LAMC1: variants seen among roughly 807,000 people sequenced by gnomAD.
LAMC1 encodes the protein laminin subunit gamma 1, also known as laminin subunit gamma-1.
Under a neutral mutation model 173.6 loss-of-function variants are expected in LAMC1, and 38 were observed. That is an observed-to-expected ratio of 0.22 (90% CI 0.17 to 0.29). The LOEUF (loss-of-function observed/expected upper bound fraction) is 0.29, where lower values mean the gene tolerates loss of function less well. LAMC1 is among the 10% of genes least tolerant of loss of function. The pLI is 1.00. For synonymous variants in LAMC1, 746 were observed against 749.1 expected, an observed-to-expected ratio of 1.00 and a Z score of 0.07; for missense variants, 1,824 against 2,051.8, an observed-to-expected ratio of 0.89 and a Z score of 2.14.
At position 183,144,294 on chromosome 1, in the gene LAMC1, GT is replaced by G. The variant is rs1657197924; in HGVS notation, c.*1508del. On this transcript the variant is annotated 3_prime_UTR_variant, in exon 28 of 28. Coordinates refer to ENST00000258341, the MANE Select transcript of LAMC1 (RefSeq NM_002293.4). ...TTCAAATTTATATTTTTGTGTGAATGTTTTGTGTTTTGTTTATCATGATTAT... is the reference window on the plus strand; with the variant it reads ...TTCAAATTTATATTTTTGTGTGAATGTTTGTGTTTTGTTTATCATGATTAT... The G allele has an allele frequency of 6.6e-6, 1 of 152,600 alleles. No homozygotes were observed. Among genetic ancestry groups the G allele is most frequent in the Non-Finnish European group, 1.5e-5 (1 of 68,036 alleles). The allele number at this position is 152,600 out of a possible 1,614,324, so 9.5% of individuals were successfully genotyped here.
chr1:183,100,534 T>C (rs1032385403), intron 1 of LAMC1, among the ~76,000 whole-genome samples: 3 of 152,224 alleles, frequency 2.0e-5, no homozygotes, highest in Non-Finnish European at 4.4e-5. Context: ...CCATTTCATG[T>C]GCCTGGATGA....
At chr1:183,081,517 C>A (rs978539028) in intron 1 of LAMC1, among the ~76,000 whole-genome samples, 6 of 151,442 alleles carry the variant, frequency 4.0e-5, no homozygotes, top group African/African-American at 1.5e-4. Flanking sequence ...CACTACACTC[C>A]AGCCTGGGCA....
rs147401305 is a variant in LAMC1 at position 183,121,905 on chromosome 1, G to A, written c.2173G>A (p.Ala725Thr). Residue 725 changes from alanine (A) to threonine (T), a missense_variant, in exon 12 of 28, where the codon GCC becomes ACC. Ala to Thr is a moderately conservative substitution (Grantham distance 58). Transcript: ENST00000258341. The part of the protein sequence containing the change: ...LGPYSPCVLC[A>T]CNGHSETCDP... ...ACCATACAGTCCATGTGTGCTTTGC[G>A]CCTGCAATGGACACAGCGAGACCTG... 1,475 of 1,614,174 alleles carry A rather than the reference G, an allele frequency of 9.1e-4. 2 individuals are homozygous for A. The highest frequency in any genetic ancestry group is 1.1e-3 in the Non-Finnish European group (1,282 of 1,180,028).
intron 24 of LAMC1, 44 bp downstream of exon 24, chr1:183,135,200 G>A (rs1029657257): frequency 8.4e-7 from 1 of 1,183,608 alleles, no homozygotes; most frequent in East Asian, 2.5e-5. Flanking sequence ...TCCGCCACTA[G>A]AGTGATTTTT....
At chr1:183,097,323 T>C (rs549098560) in intron 1 of LAMC1, among the ~76,000 whole-genome samples, 42 of 152,342 alleles carry the variant, frequency 2.8e-4, no homozygotes, top group South Asian at 1.2e-3. Context: ...TAAAATCAAG[T>C]CTGGCTTCAA....
At chr1:183,138,217 G>A in intron 26 of LAMC1, 1 of 975,624 alleles carries the variant, frequency 1.0e-6, no homozygotes, top group African/African-American at 1.8e-5. Context: ...CAAGTTTCTT[G>A]TATATAAGAA....
chr1:183,096,110 C>G (rs1655686322), intron 1 of LAMC1, among the ~76,000 whole-genome samples: 1 of 152,138 alleles, frequency 6.6e-6, no homozygotes, highest in South Asian at 2.1e-4. Context: ...AAGCAGAAAG[C>G]TTTTATTTTT....
chr1:183,084,747 TACG>T (rs896616797), intron 1 of LAMC1, among the ~76,000 whole-genome samples: 1 of 152,258 alleles, frequency 6.6e-6, no homozygotes, highest in African/African-American at 2.4e-5. Context: ...GTGGTTTCCT[TACG>T]ACGCATCCTT....
At chr1:183,097,805 A>C (rs1221129202) in intron 1 of LAMC1, among the ~76,000 whole-genome samples, 1 of 152,162 alleles carries the variant, frequency 6.6e-6, no homozygotes, top group African/African-American at 2.4e-5. Flanking sequence ...GTATTGGTTA[A>C]TTTTGTGTGC....
At chr1:183,110,398 AACTT>A in intron 3 of LAMC1, 86 bp from the exon 4 acceptor site, 1 of 1,006,324 alleles carries the variant, frequency 9.9e-7, no homozygotes, top group South Asian at 1.8e-5. Flanking sequence ...TGAATGGTAA[AACTT>A]ACTTCTTTGT....
At position 183,023,631 on chromosome 1, in the gene LAMC1, C is replaced by T; in HGVS notation, c.-86C>T. The T allele has an allele frequency of 1.9e-6, 2 of 1,045,148 alleles. No individual in the cohort carries two copies. Among genetic ancestry groups the T allele is most frequent in the Non-Finnish European group, 2.4e-6 (2 of 848,268 alleles). 64.7% of individuals were successfully genotyped at this position (1,045,148 alleles called of 1,614,324 possible). ...CCCCTGGGCCCCCAGGCTCAAGCAG[C>T]GAAGCGGCCTCCGGGGGACGCCGCT... On this transcript the variant is annotated 5_prime_UTR_variant, in exon 1 of 28. Coordinates refer to ENST00000258341, the MANE Select transcript of LAMC1 (RefSeq NM_002293.4).
intron 1 of LAMC1, among the ~76,000 whole-genome samples, chr1:183,074,333 CAT>C (rs1192397408): frequency 1.3e-5 from 2 of 152,166 alleles, no homozygotes; most frequent in African/African-American, 4.8e-5. Flanking sequence ...CTAAGAGTGA[CAT>C]GTGCATGTGT....
At chr1:183,129,082 CTTTTTTTTTT>C (rs201079710) in intron 18 of LAMC1, among the ~76,000 whole-genome samples, 4 of 110,018 alleles carry the variant, frequency 3.6e-5, no homozygotes, top group Non-Finnish European at 7.1e-5. Context: ...TCTTCATAAG[CTTTTTTTTTT>C]TTTTTTTTTT....
At chr1:183,142,393 TCAA>T in intron 27 of LAMC1, 138 bp from the exon 28 acceptor site, 2 of 820,400 alleles carry the variant, frequency 2.4e-6, no homozygotes, top group Non-Finnish European at 3.8e-6. Context: ...TTGTGTGACA[TCAA>T]CAATCTGCAA....
intron 1 of LAMC1, among the ~76,000 whole-genome samples, chr1:183,087,005 T>A (rs969628315): frequency 1.3e-5 from 2 of 152,222 alleles, no homozygotes; most frequent in Non-Finnish European, 2.9e-5. Context: ...TTGTATAAAC[T>A]CTTTATTTTA....
intron 1 of LAMC1, among the ~76,000 whole-genome samples, chr1:183,065,089 T>G (rs1443559845): frequency 6.6e-6 from 1 of 152,108 alleles, no homozygotes; most frequent in African/African-American, 2.4e-5. Context: ...TGAACAGTGT[T>G]GAATGAAACA....
chr1:183,054,736 G>T (rs1179855409), intron 1 of LAMC1, among the ~76,000 whole-genome samples: 2 of 152,174 alleles, frequency 1.3e-5, no homozygotes, highest in Non-Finnish European at 2.9e-5. Context: ...CTGGCTTGGA[G>T]ACTACAAAAC....
chr1:183,024,231 C>A, intron 1 of LAMC1, 97 bp downstream of exon 1: 1 of 1,227,032 alleles, frequency 8.1e-7, no homozygotes, highest in South Asian at 1.6e-5. Context: ...GCGCAGACGG[C>A]CGCGTGTTTG....
At chr1:183,084,427 C>G (rs2102053412) in intron 1 of LAMC1, among the ~76,000 whole-genome samples, 1 of 151,346 alleles carries the variant, frequency 6.6e-6, no homozygotes, top group South Asian at 2.1e-4. Context: ...ACTACATAAA[C>G]CTGGGTTAAT....
Sources: allele counts gnomAD v4.1 joint callset (sites outside exome capture counted in the v4.1 genomes callset), GRCh38; gene constraint gnomAD v4.1.1; transcripts MANE v1.5; gene names NCBI Gene and HGNC (gene_info 2026-07-23, HGNC 2026-07-21).